NMT2: variants seen among roughly 807,000 people sequenced by gnomAD.
NMT2 encodes N-myristoyltransferase 2.
NMT2 carries 35 observed loss-of-function variants against 65.4 expected under a neutral mutation model. That is an observed-to-expected ratio of 0.54 (90% confidence interval 0.41 to 0.71). The LOEUF (loss-of-function observed/expected upper bound fraction) is 0.71, where lower values mean the gene tolerates loss of function less well. Ranked by LOEUF, NMT2 falls within the 30% of genes least tolerant of loss-of-function variation. NMT2 has a pLI of 0.00. For missense variants in NMT2, 489 were observed against 611.3 expected (o/e 0.80, Z 2.11); for synonymous variants, 226 against 231.8 (o/e 0.98, Z 0.23).
At position 15,108,878 on chromosome 10, in the gene NMT2, T is replaced by C. The variant is rs1480218082; in HGVS notation, c.*317A>G. ...GACTCTGTAACTTCTACTTAGTCCA[T>C]AGAAAAACAGTCCCTTTTCTAAGGG... On this transcript the variant is annotated 3_prime_UTR_variant, in exon 12 of 12. Coordinates refer to ENST00000378165, the MANE Select transcript of NMT2 (RefSeq NM_004808.3). 12 of 1,123,816 alleles carry C rather than the reference T, an allele frequency of 1.1e-5. No homozygotes were observed. Among genetic ancestry groups the C allele is most frequent in the Middle Eastern group, 3.9e-4 (1 of 2,538 alleles). 69.6% of individuals were successfully genotyped at this position (1,123,816 alleles called of 1,614,324 possible). A position where few individuals can be genotyped will look rare whatever the true frequency, so the allele number is the denominator to read the frequency against.
intron 9 of NMT2, among the ~76,000 whole-genome samples, chr10:15,117,453 A>G (rs1845782158): frequency 1.3e-5 from 2 of 152,250 alleles, no homozygotes; most frequent in Non-Finnish European, 2.9e-5. Flanking sequence ...TCATGGTGAA[A>G]GAGTAAATGC....
In NMT2 at chr10:15,107,784, A is replaced by C; in HGVS notation, c.*1411T>G. 3.4e-5 allele frequency: 34 copies of C among 985,660 alleles called. No homozygotes were observed. The highest frequency in any genetic ancestry group is 4.0e-5 in the Non-Finnish European group (33 of 829,920). The allele number at this position is 985,660 out of a possible 1,614,324, so 61.1% of individuals were successfully genotyped here. A position where few individuals can be genotyped will look rare whatever the true frequency, so the allele number is the denominator to read the frequency against. Reference sequence around the variant, plus strand: ...CATCTACTTTGTGGTATCTGAGTTGAGGCCAGGCTACGTGGCCTCGGTTAG... The same window carrying C: ...CATCTACTTTGTGGTATCTGAGTTGCGGCCAGGCTACGTGGCCTCGGTTAG... On this transcript the variant is annotated 3_prime_UTR_variant, in exon 12 of 12. Coordinates refer to ENST00000378165, the MANE Select transcript of NMT2 (RefSeq NM_004808.3).
intron 1 of NMT2, among the ~76,000 whole-genome samples, chr10:15,156,414 A>C (rs193127976): frequency 6.6e-6 from 1 of 152,208 alleles, no homozygotes; most frequent in African/African-American, 2.4e-5. Context: ...CTGTGAGTCA[A>C]TTAAACCTCT....
rs1260857210 is a variant in NMT2 at position 15,105,904 on chromosome 10, TAAC to T, written c.*3288_*3290del. The T allele has an allele frequency of 1.6e-5, 4 of 242,790 alleles. No individual in the cohort carries two copies. Among genetic ancestry groups the T allele is most frequent in the Non-Finnish European group, 2.6e-5 (3 of 117,222 alleles). 15.0% of individuals were successfully genotyped at this position (242,790 alleles called of 1,614,324 possible). ...TATTTAAAAGTGGTTAATAATTTGA[TAAC>T]AAATTATGTAAATGACTCTTTAAAG... is the stretch of plus-strand genomic sequence containing the variant. On this transcript the variant is annotated 3_prime_UTR_variant, in exon 12 of 12. Coordinates refer to ENST00000378165, the MANE Select transcript of NMT2 (RefSeq NM_004808.3).
chr10:15,109,761 C>G lies in NMT2; in HGVS notation c.1417G>C (p.Asp473His), dbSNP rs756776176. 4.3e-6 allele frequency: 7 copies of G among 1,613,722 alleles called. No individual in the cohort carries two copies. In the African/African-American group the frequency reaches 8.0e-5, roughly 18 times the overall value. Residue 473 changes from aspartate to histidine, a missense_variant, in exon 11 of 12, where the codon GAT (aspartate) becomes CAT (histidine). Transcript: ENST00000378165. ...FLEKLKFGIG[D>H]GNLQYYLYNW... ...TACAGGTAATACTGCAAATTGCCAT[C>G]TCCTATACCAAACTTGAGTTTTTCC...
At chr10:15,135,174 A>G (rs1195685704) in intron 3 of NMT2, 100 bp downstream of exon 3, 1 of 1,183,018 alleles carries the variant, frequency 8.5e-7, no homozygotes, top group East Asian at 2.3e-5. Flanking sequence ...ATACATGTGA[A>G]GTTAACACTC....
At chr10:15,140,224 G>A (rs866339309) in intron 2 of NMT2, among the ~76,000 whole-genome samples, 25 of 152,068 alleles carry the variant, frequency 1.6e-4, no homozygotes, top group South Asian at 1.0e-3. Context: ...CCAGGCTCAA[G>A]CTATCCTCCC....
rs145344395 is a variant in NMT2, at chr10:15,117,652, C to G, written c.1170+1691G>C. Among the ~76,000 whole-genome samples, 358 of 152,336 alleles carry G rather than the reference C, an allele frequency of 2.4e-3. 1 individual carries two copies. Among genetic ancestry groups the G allele is most frequent in the African/African-American group, 7.7e-3 (320 of 41,592 alleles). ...TGTCTATGTAGAAATCACAAGGAAT[C>G]TACACACAAACTCCTGGAACCAGTA... On this transcript the variant is annotated intron_variant, in intron 9 of 11. Transcript: ENST00000378165.
At chr10:15,130,432 A>T in intron 6 of NMT2, 120 bp from the exon 7 acceptor site, 1 of 803,072 alleles carries the variant, frequency 1.2e-6, no homozygotes. Flanking sequence ...GCAGGCTGGG[A>T]ACACTGGCTG....
rs775699014 is a variant in NMT2, at chr10:15,123,531, GAAAAAAA to G, written c.1000-4025_1000-4019del. 6.4e-3 allele frequency among the ~76,000 whole-genome samples: 336 copies of G among 52,548 alleles called. 2 individuals carry two copies. Among genetic ancestry groups the G allele is most frequent in the African/African-American group, 0.017 (285 of 16,914 alleles). The allele number at this position is 52,548 out of a possible 152,430, so 34.5% of individuals were successfully genotyped here. ...CGACAAAGCGAGACTTCGTCTCACA[GAAAAAAA>G]AAAAAAAAAAAAAAAAAGAAATAAC... On this transcript the variant is annotated intron_variant, in intron 8 of 11. Transcript: ENST00000378165.
At chr10:15,144,940 C>T (rs936030065) in intron 1 of NMT2, among the ~76,000 whole-genome samples, 6 of 152,178 alleles carry the variant, frequency 3.9e-5, no homozygotes, top group African/African-American at 1.4e-4. Flanking sequence ...CACACAGGAA[C>T]TTGTTCACAA....
intron 2 of NMT2, among the ~76,000 whole-genome samples, chr10:15,136,345 G>C (rs1337084002): frequency 2.1e-5 from 3 of 144,168 alleles, no homozygotes; most frequent in Non-Finnish European, 3.0e-5. Flanking sequence ...AGAAAGAAAA[G>C]AAAAGAAAAA....
rs201561074 is a variant in NMT2, at chr10:15,139,863, C to CTATA, written c.246+1555_246+1558dup. The stretch of plus-strand genomic sequence containing the variant: ...AAAGCTTGTAGAATGGTAACAACTA[C>CTATA]TATATATATATATATATATATATAT... On this transcript the variant is annotated intron_variant, in intron 2 of 11. Coordinates refer to ENST00000378165, the MANE Select transcript of NMT2 (RefSeq NM_004808.3). 194 of 69,532 alleles carry CTATA rather than the reference C, an allele frequency of 2.8e-3. 4 individuals are homozygous for CTATA. The highest frequency in any genetic ancestry group is 5.4e-3 in the South Asian group (7 of 1,288). 4.3% of individuals were successfully genotyped at this position (69,532 alleles called of 1,614,324 possible).
intron 9 of NMT2, among the ~76,000 whole-genome samples, chr10:15,113,441 G>A (rs948105801): frequency 8.1e-6 from 1 of 123,680 alleles, no homozygotes; most frequent in Non-Finnish European, 1.6e-5. Flanking sequence ...CTGCACTCCA[G>A]CCTGGGCGAC....
At chr10:15,135,886 GAAAGAA>G (rs1846469680) in intron 2 of NMT2, among the ~76,000 whole-genome samples, 1 of 151,542 alleles carries the variant, frequency 6.6e-6, no homozygotes, top group Non-Finnish European at 1.5e-5. Context: ...GGAGGGGAGG[GAAAGAA>G]GAGAGAGAGA....
chr10:15,145,434 C>CAGTG lies in NMT2; in HGVS notation c.111-3881_111-3878dup, dbSNP rs527886481. ...TCACTTTGTCGCCCAGGCTGGAGTG[C>CAGTG]AGTGGTGCCATCTTAGCTCACTGCA... On this transcript the variant is annotated intron_variant, in intron 1 of 11. Coordinates refer to ENST00000378165, the MANE Select transcript of NMT2 (RefSeq NM_004808.3). Among the ~76,000 whole-genome samples, 492 of 152,292 alleles carry CAGTG rather than the reference C, an allele frequency of 3.2e-3. 4 individuals carry two copies. The highest frequency in any genetic ancestry group is 0.011 in the African/African-American group (477 of 41,560).
chr10:15,162,575 T>A (rs1833235591), intron 1 of NMT2, among the ~76,000 whole-genome samples: 1 of 151,784 alleles, frequency 6.6e-6, no homozygotes, highest in Non-Finnish European at 1.5e-5. Flanking sequence ...CACACAACAA[T>A]AAGAGTCAGC....
At chr10:15,134,888 G>A (rs1279090323) in intron 3 of NMT2, among the ~76,000 whole-genome samples, 1 of 152,010 alleles carries the variant, frequency 6.6e-6, no homozygotes, top group Non-Finnish European at 1.5e-5. Context: ...AGGCTGACAT[G>A]GGAGGATGGA....
At chr10:15,119,581 C>CA in intron 8 of NMT2, 68 bp from the exon 9 acceptor site, 1 of 1,399,276 alleles carries the variant, frequency 7.1e-7, no homozygotes, top group Admixed American at 1.7e-5. Context: ...ACTTTGCACT[C>CA]AAAGTGTGGT....
Sources: allele counts gnomAD v4.1 joint callset (sites outside exome capture counted in the v4.1 genomes callset), GRCh38; gene constraint gnomAD v4.1.1; transcripts MANE v1.5; gene names NCBI Gene and HGNC (gene_info 2026-07-23, HGNC 2026-07-21).